GRIK1: variants seen among roughly 807,000 people sequenced by gnomAD.
GRIK1 encodes the protein glutamate receptor ionotropic, kainate 1.
In GRIK1, 69 loss-of-function variants were observed where a neutral mutation model predicts 105.7. That is an observed-to-expected ratio of 0.65 (90% CI 0.54 to 0.80). The LOEUF (loss-of-function observed/expected upper bound fraction) is 0.80, where lower values mean the gene tolerates loss of function less well. GRIK1 is among the 30% of genes least tolerant of loss of function. GRIK1 has a pLI of 0.00. For synonymous variants in GRIK1, 438 were observed against 431.3 expected (o/e 1.02, Z -0.19); for missense variants, 1,109 against 1,167.3 (o/e 0.95, Z 0.73).
At chr21:29,939,080 C>T (rs1569234555) in intron 1 of GRIK1, among the ~76,000 whole-genome samples, 9 of 152,124 alleles carry the variant, frequency 5.9e-5, no homozygotes, top group Admixed American at 2.0e-4. Context: ...GGCTCGCGAT[C>T]CCTTGCCCAG....
Position 29,598,874 on chromosome 21 carries a change from A to T in GRIK1, c.1162T>A (p.Phe388Ile). 6.3e-7 allele frequency: 1 copy of T among 1,595,412 alleles called. No individual in the cohort carries two copies. Among genetic ancestry groups the T allele is most frequent in the Non-Finnish European group, 8.6e-7 (1 of 1,165,450 alleles). ...FNKTNGLRKD[F>I]DLDIISLKEE... The stretch of plus-strand genomic sequence containing the variant: ...TTGAGACTAATAATGTCCAGATCAA[A>T]ATCCTTCCTCAAGCCATTGGTTTTA... Residue 388 changes from phenylalanine (F) to isoleucine (I), a missense_variant, in exon 8 of 18, where the codon TTT becomes ATT. Phe to Ile is a conservative substitution (Grantham distance 21). Coordinates refer to ENST00000327783, the MANE Select transcript of GRIK1 (RefSeq NM_001330994.2).
intron 15 of GRIK1, among the ~76,000 whole-genome samples, chr21:29,561,200 CATT>C (rs1241136829): frequency 9.9e-5 from 15 of 152,078 alleles, no homozygotes; most frequent in Non-Finnish European, 1.5e-4. Context: ...TTTCATCTAT[CATT>C]ATGGAACACT....
chr21:29,571,587 T>G (rs1387525194), intron 14 of GRIK1, among the ~76,000 whole-genome samples: 2 of 152,194 alleles, frequency 1.3e-5, no homozygotes, highest in East Asian at 3.8e-4. Flanking sequence ...GAGCAACTTC[T>G]GGGCACACAT....
chr21:29,591,218 A>T lies in GRIK1; in HGVS notation c.1259T>A (p.Ile420Asn), dbSNP rs1379654710. The change falls in exon 10 of 18, where the codon ATT (isoleucine) becomes AAT (asparagine). Residue 420 changes from isoleucine to asparagine, a missense_variant. Ile to Asn is a moderately radical substitution (Grantham distance 149, BLOSUM62 -3). Around this residue, in one of 5 missense-constraint regions of GRIK1, gnomAD observed 612 missense variants for 586.0 expected, o/e 1.04. Transcript: ENST00000327783. Reference protein sequence around the residue: ...HLYKVWKKIGIWNSNSGLNMT... With the variant: ...HLYKVWKKIGNWNSNSGLNMT... ...GTTAAGCCCACTGTTGGAATTCCAA[A>T]TCCCAATCTACACAGAACACAGTAC... is the stretch of plus-strand genomic sequence containing the variant. 3 of 1,582,902 alleles carry T rather than the reference A, an allele frequency of 1.9e-6. No homozygotes were observed. The South Asian group carries it at 3.3e-5, about 18-fold the overall frequency.
chr21:29,844,820 A>C (rs1346507757), intron 1 of GRIK1, among the ~76,000 whole-genome samples: 6 of 152,152 alleles, frequency 3.9e-5, no homozygotes, highest in Admixed American at 3.9e-4. Context: ...TCTTGGCTCT[A>C]TTCTTTATTT....
At chr21:29,911,636 G>A (rs1252819920) in intron 1 of GRIK1, among the ~76,000 whole-genome samples, 2 of 152,042 alleles carry the variant, frequency 1.3e-5, no homozygotes, top group African/African-American at 4.8e-5. Flanking sequence ...CCTTTGGGAG[G>A]TAATATGGTT....
chr21:29,900,503 T>C (rs1160383124), intron 1 of GRIK1, among the ~76,000 whole-genome samples: 1 of 145,862 alleles, frequency 6.9e-6, no homozygotes, highest in Non-Finnish European at 1.5e-5. Context: ...TCCTGGTCTC[T>C]GATAAAACAG....
chr21:29,923,243 T>C (rs184619911), intron 1 of GRIK1, among the ~76,000 whole-genome samples: 6 of 152,338 alleles, frequency 3.9e-5, no homozygotes, highest in Non-Finnish European at 7.4e-5. Flanking sequence ...TTCTGCATAT[T>C]ACTTTTCAGT....
intron 7 of GRIK1, among the ~76,000 whole-genome samples, chr21:29,623,914 A>G (rs1238592370): frequency 6.6e-6 from 1 of 152,190 alleles, no homozygotes; most frequent in East Asian, 1.9e-4. Flanking sequence ...TTATTTTTGA[A>G]ATGTTTTGTT....
intron 1 of GRIK1, among the ~76,000 whole-genome samples, chr21:29,737,366 C>G (rs1183329608): frequency 6.6e-6 from 1 of 152,182 alleles, no homozygotes; most frequent in Non-Finnish European, 1.5e-5. Flanking sequence ...GCTCACTTTG[C>G]ATTTCTGCTT....
At chr21:29,744,267 G>T (rs563347554) in intron 1 of GRIK1, among the ~76,000 whole-genome samples, 2 of 152,296 alleles carry the variant, frequency 1.3e-5, no homozygotes, top group East Asian at 3.9e-4. Context: ...TGGAAACTTA[G>T]AAAACTTTTT....
chr21:29,566,573 C>A (rs1389885847), intron 14 of GRIK1, among the ~76,000 whole-genome samples: 1 of 151,994 alleles, frequency 6.6e-6, no homozygotes, highest in East Asian at 1.9e-4. Context: ...TCTTTTTTCC[C>A]CCTATAATAC....
At chr21:29,801,899 G>T (rs559489973) in intron 1 of GRIK1, among the ~76,000 whole-genome samples, 64 of 151,890 alleles carry the variant, frequency 4.2e-4, no homozygotes, top group African/African-American at 1.5e-3. Context: ...GTAGAGATAA[G>T]CATCCATTAT....
At chr21:29,606,250 A>G (rs1417132150) in intron 7 of GRIK1, among the ~76,000 whole-genome samples, 1 of 152,182 alleles carries the variant, frequency 6.6e-6, no homozygotes, top group Non-Finnish European at 1.5e-5. Context: ...TTATAATTGT[A>G]TTGACCTATC....
At chr21:29,684,195 C>T (rs1431213413) in intron 3 of GRIK1, among the ~76,000 whole-genome samples, 2 of 152,094 alleles carry the variant, frequency 1.3e-5, no homozygotes, top group Non-Finnish European at 1.5e-5. Flanking sequence ...TGGTTTATCC[C>T]CATTACTTAG....
At chr21:29,764,157 G>A (rs1339384441) in intron 1 of GRIK1, among the ~76,000 whole-genome samples, 2 of 152,120 alleles carry the variant, frequency 1.3e-5, no homozygotes, top group African/African-American at 2.4e-5. Flanking sequence ...GGACCACATT[G>A]GGTGCCTGGA....
chr21:29,742,784 A>G (rs1014001677), intron 1 of GRIK1, among the ~76,000 whole-genome samples: 1 of 152,148 alleles, frequency 6.6e-6, no homozygotes, highest in African/African-American at 2.4e-5. Context: ...GAACATAGTG[A>G]ATCTGAGGTT....
intron 1 of GRIK1, among the ~76,000 whole-genome samples, chr21:29,869,240 T>C (rs934638555): frequency 1.3e-5 from 2 of 152,328 alleles, no homozygotes; most frequent in Middle Eastern, 3.4e-3. Context: ...TATCCATTTT[T>C]ATGGAGCATA....
chr21:29,746,527 A>G (rs2065052662), intron 1 of GRIK1, among the ~76,000 whole-genome samples: 1 of 152,246 alleles, frequency 6.6e-6, no homozygotes, highest in Non-Finnish European at 1.5e-5. Context: ...GTCTACACAC[A>G]TGTGCACACT....
Sources: allele counts gnomAD v4.1 joint callset (sites outside exome capture counted in the v4.1 genomes callset), GRCh38; gene constraint gnomAD v4.1.1; regional missense constraint gnomAD v4.1.1; transcripts MANE v1.5; gene names NCBI Gene and HGNC (gene_info 2026-07-23, HGNC 2026-07-21).